DNAH6: variants seen among roughly 807,000 people sequenced by gnomAD.
DNAH6 encodes dynein axonemal heavy chain 6.
In DNAH6, 340 loss-of-function variants were observed where a neutral mutation model predicts 491.4. The observed-to-expected ratio is 0.69, with a 90% CI of 0.63 to 0.76. DNAH6 has a LOEUF of 0.76. Among genes scored for constraint, DNAH6 ranks in the 30% least tolerant of loss-of-function variants. The probability of loss-of-function intolerance (pLI) is 0.00; values close to 1 mark genes in which losing one functional copy is unlikely to be tolerated. For missense variants in DNAH6, 4,443 were observed against 4,972.2 expected, an observed-to-expected ratio of 0.89 and a Z score of 3.20; for synonymous variants, 1,603 against 1,686.1, an observed-to-expected ratio of 0.95 and a Z score of 1.21.
chr2:84,467,773 AT>A, the DNAH6 span, among the ~76,000 whole-genome samples: 1 of 152,198 alleles, frequency 6.6e-6, no homozygotes, highest in Non-Finnish European at 1.5e-5. Context: ...CTTATATAAA[AT>A]CTCTCTATTT....
intron 12 of DNAH6, among the ~76,000 whole-genome samples, chr2:84,575,235 T>G (rs1052496204): frequency 1.3e-5 from 2 of 152,176 alleles, no homozygotes; most frequent in African/African-American, 4.8e-5. Flanking sequence ...TTGTAGATCC[T>G]TAATAAATGT....
rs1187175338 is a variant in DNAH6, at chr2:84,517,997, A to G, written c.171A>G (p.Thr57=). The G allele has an allele frequency of 5.2e-6, 8 of 1,551,950 alleles. No individual in the cohort carries two copies. The highest frequency in any genetic ancestry group is 2.0e-5 in the Admixed American group (1 of 50,984). ...DTQILTFRHI[T]KAQEKTRKRQ... ...AAATCCTAACGTTTAGGCACATTAC[A>G]AAAGCTCAGGAGAAGACAAGAAAAC... The change falls in exon 2 of 77, where the codon ACA becomes ACG. Residue 57 remains threonine, a synonymous_variant. Coordinates refer to ENST00000389394, the MANE Select transcript of DNAH6 (RefSeq NM_001370.2).
chr2:84,758,585 A>G (rs907650416), intron 63 of DNAH6, among the ~76,000 whole-genome samples: 4 of 152,204 alleles, frequency 2.6e-5, no homozygotes, highest in Non-Finnish European at 4.4e-5. Flanking sequence ...TAAAGATAAT[A>G]TCAAAAAGAC....
At chr2:84,743,309 ATG>A (rs1282433008) in intron 62 of DNAH6, among the ~76,000 whole-genome samples, 5 of 152,212 alleles carry the variant, frequency 3.3e-5, no homozygotes, top group African/African-American at 1.2e-4. Flanking sequence ...TCCTGTTTTT[ATG>A]TGTTAGATTT....
intron 4 of DNAH6, among the ~76,000 whole-genome samples, chr2:84,534,564 A>C (rs1677496918): frequency 1.3e-5 from 2 of 152,082 alleles, no homozygotes. Flanking sequence ...AAACACAAAG[A>C]AATCCTTGTT....
intron 76 of DNAH6, among the ~76,000 whole-genome samples, chr2:84,818,699 C>T (rs1395778826): frequency 6.6e-6 from 1 of 152,098 alleles, no homozygotes; most frequent in African/African-American, 2.4e-5. Context: ...GCAAAAGAAG[C>T]AGAGGGAAAC....
At position 84,699,806 on chromosome 2, in the gene DNAH6, A is replaced by G. The variant is rs1695721306; in HGVS notation, c.7818+72A>G. 2.1e-6 allele frequency: 3 copies of G among 1,449,304 alleles called. No homozygotes were observed. In the East Asian group the frequency reaches 7.6e-5, roughly 36 times the overall value. 89.8% of individuals were successfully genotyped at this position (1,449,304 alleles called of 1,614,324 possible). On this transcript the variant is annotated intron_variant, in intron 48 of 76. Coordinates refer to ENST00000389394, the MANE Select transcript of DNAH6 (RefSeq NM_001370.2). ...ACTTTAAAGGGGTAACACATTGTCC[A>G]AGAGTAACTCATGGGTACTTGTATT...
the DNAH6 span, among the ~76,000 whole-genome samples, chr2:84,491,806 C>T: frequency 1.3e-5 from 2 of 152,130 alleles, no homozygotes. Flanking sequence ...TTCTAACAGT[C>T]TTTAGTTGTC....
At chr2:84,788,601 A>G (rs916347919) in intron 68 of DNAH6, among the ~76,000 whole-genome samples, 1 of 152,366 alleles carries the variant, frequency 6.6e-6, no homozygotes, top group Middle Eastern at 3.4e-3. Flanking sequence ...TCATTGTGGC[A>G]CTGGCATAAA....
In DNAH6 at chr2:84,595,646, T is replaced by A. The variant is rs925460528; in HGVS notation, c.2725T>A (p.Ser909Thr). Residue 909 changes from serine to threonine, a missense_variant and splice_region_variant, in exon 18 of 77, where the codon TCC becomes ACC. Physicochemically the swap from Ser to Thr is moderately conservative, Grantham distance 58. Transcript: ENST00000389394. ...TGCTTTGTTTTTAAATTTTTCATAG[T>A]CCAAATTTGATTGCCTGGATCCAGA... Reference protein sequence around the residue: ...WDKLQQEWLKSKFDCLDPEVL... With the variant: ...WDKLQQEWLKTKFDCLDPEVL... 2 of 1,534,936 alleles carry A rather than the reference T, an allele frequency of 1.3e-6. No homozygotes were observed. The highest frequency in any genetic ancestry group is 2.8e-5 in the African/African-American group (2 of 72,186).
intron 18 of DNAH6, among the ~76,000 whole-genome samples, chr2:84,600,852 G>A (rs984944332): frequency 6.6e-6 from 1 of 151,454 alleles, no homozygotes; most frequent in African/African-American, 2.4e-5. Flanking sequence ...CTTAAGGGGT[G>A]GAAATTTCTG....
chr2:84,472,515 A>G, the DNAH6 span, among the ~76,000 whole-genome samples: 1 of 152,176 alleles, frequency 6.6e-6, no homozygotes, highest in East Asian at 1.9e-4. Context: ...TCCAAAAGCA[A>G]GAATATGTGT....
rs1168499995 is a variant in DNAH6 at position 84,624,326 on chromosome 2, T to C, written c.4133T>C (p.Leu1378Pro). The C allele has an allele frequency of 1.9e-6, 3 of 1,551,220 alleles. No homozygotes were observed. In the African/African-American group the frequency reaches 4.1e-5, roughly 21 times the overall value. ...GSLPKLHRNI[L>P]TALITIDVHA... ...CTTCCTAAATTACACAGAAACATCCTAACTGCATTGATTACTATTGATGTG... is the reference window on the plus strand; with the variant it reads ...CTTCCTAAATTACACAGAAACATCCCAACTGCATTGATTACTATTGATGTG... Residue 1378 changes from leucine (L) to proline (P), a missense_variant, in exon 27 of 77, where the codon CTA becomes CCA. By Grantham distance (98) the Leu-to-Pro change is moderately conservative (BLOSUM62 -3). Transcript: ENST00000389394.
intron 17 of DNAH6, among the ~76,000 whole-genome samples, chr2:84,595,379 T>C (rs1410122259): frequency 2.6e-5 from 4 of 152,182 alleles, no homozygotes; most frequent in Non-Finnish European, 5.9e-5. Flanking sequence ...TAGCTATTTG[T>C]CTCCTTAGAG....
chr2:84,794,896 C>G (rs1190720415), intron 68 of DNAH6, among the ~76,000 whole-genome samples: 3 of 151,058 alleles, frequency 2.0e-5, no homozygotes, highest in Non-Finnish European at 4.4e-5. Flanking sequence ...TATTGCGGCA[C>G]TATTCACAAG....
Position 84,805,666 on chromosome 2 carries a change from A to G in DNAH6, c.11483A>G (p.Tyr3828Cys), listed in dbSNP as rs1168415469. 1.3e-6 allele frequency: 2 copies of G among 1,550,684 alleles called. No homozygotes were observed. The highest frequency in any genetic ancestry group is 1.7e-6 in the Non-Finnish European group (2 of 1,146,492). ...TTCTGTCTCTTATTGCCATTACAGT[A>G]CAAAGAGACCAGCACTTTAATCAAC... ...MHENANLVFQ[Y>C]KETSTLINTI... is the part of the protein sequence containing the mutation. The change falls in exon 71 of 77, where the codon TAC becomes TGC. Residue 3828 changes from tyrosine to cysteine, a missense_variant and splice_region_variant. This residue lies in a region of DNAH6 where 1,463 missense variants were observed against 1,656.6 expected (regional missense o/e 0.88). Transcript: ENST00000389394.
chr2:84,516,694 A>G (rs1675629025), intron 1 of DNAH6, 111 bp downstream of exon 1: 1 of 152,202 alleles, frequency 6.6e-6, no homozygotes, highest in South Asian at 2.1e-4. Flanking sequence ...ATCAATGGAA[A>G]GGCATTTCAG....
chr2:84,515,521 T>C (rs1675531244), upstream of DNAH6, among the ~76,000 whole-genome samples: 1 of 152,180 alleles, frequency 6.6e-6, no homozygotes, highest in Non-Finnish European at 1.5e-5. Flanking sequence ...TATGTTAAGA[T>C]TGAGAAGATG....
intron 42 of DNAH6, among the ~76,000 whole-genome samples, chr2:84,682,640 C>T (rs1216199386): frequency 2.6e-5 from 4 of 152,160 alleles, no homozygotes; most frequent in African/African-American, 7.2e-5. Flanking sequence ...ATGCATACCC[C>T]GGCCCCAGAG....
Sources: gnomAD v4.1 joint callset for allele counts (sites outside exome capture counted in the v4.1 genomes callset) on GRCh38, gnomAD v4.1.1 for gene constraint, gnomAD v4.1.1 regional missense constraint, MANE v1.5 for transcripts, NCBI Gene and HGNC (gene_info 2026-07-23, HGNC 2026-07-21) for gene names.